MCM9: variants seen among roughly 807,000 people sequenced by gnomAD.
The protein encoded by MCM9 is DNA helicase MCM9.
A neutral mutation model predicts 72.8 loss-of-function variants in MCM9; 55 were observed. The observed-to-expected ratio is 0.76, with a 90% confidence interval of 0.61 to 0.95. The LOEUF (loss-of-function observed/expected upper bound fraction) is 0.95, where lower values mean the gene tolerates loss of function less well. Ranked by LOEUF, MCM9 falls within the 40% of genes least tolerant of loss-of-function variation. MCM9 has a pLI of 0.00. For synonymous variants in MCM9, 480 were observed against 503.4 expected, an observed-to-expected ratio of 0.95 and a Z score of 0.62; for missense variants, 1,279 against 1,377.0, an observed-to-expected ratio of 0.93 and a Z score of 1.13.
At chr6:118,848,216 CTATT>C (rs1776000636) in intron 9 of MCM9, among the ~76,000 whole-genome samples, 1 of 151,698 alleles carries the variant, frequency 6.6e-6, no homozygotes, top group Admixed American at 6.6e-5. Flanking sequence ...AATAATACAA[CTATT>C]TATTTAAGTG....
At chr6:118,891,837 C>A (rs1778965303) in intron 8 of MCM9, among the ~76,000 whole-genome samples, 1 of 152,194 alleles carries the variant, frequency 6.6e-6, no homozygotes, top group Admixed American at 6.5e-5. Flanking sequence ...CTCAGCCATC[C>A]TTCCCCCAAG....
intron 8 of MCM9, among the ~76,000 whole-genome samples, chr6:118,881,433 T>A (rs1778279457): frequency 6.6e-6 from 1 of 152,194 alleles, no homozygotes; most frequent in African/African-American, 2.4e-5. Flanking sequence ...AGTTTGTTTG[T>A]ATCCTATGGT....
At chr6:118,848,630 T>C (rs918713238) in intron 9 of MCM9, among the ~76,000 whole-genome samples, 3 of 150,182 alleles carry the variant, frequency 2.0e-5, no homozygotes, top group Non-Finnish European at 4.4e-5. Context: ...CCCTAACCTA[T>C]AATAAAAATG....
At position 118,826,211 on chromosome 6, in the gene MCM9, C is replaced by A; in HGVS notation, c.1897G>T (p.Glu633Ter). Residue 633 changes from glutamate (E) to a stop codon, truncating the protein, a stop_gained, in exon 13 of 14, where the codon GAA becomes TAA. Transcript: ENST00000619706. LOFTEE classifies it high-confidence loss of function. ...NPGEQYQRQC[E>*]LILEKLELQS... ...AGCTCTAGCTTTTCCAGAATAAGTT[C>A]ACACTGTCTCTGGTACTGCTCTCCA... 1 of 1,550,474 alleles carries A rather than the reference C, an allele frequency of 6.4e-7. No homozygotes were observed. Among genetic ancestry groups the A allele is most frequent in the South Asian group, 1.2e-5 (1 of 84,052 alleles).
intron 8 of MCM9, among the ~76,000 whole-genome samples, chr6:118,872,267 C>T (rs947415646): frequency 5.4e-5 from 8 of 148,770 alleles, no homozygotes; most frequent in Non-Finnish European, 8.9e-5. Flanking sequence ...TGCAGTGAGC[C>T]GAGATTGTGC....
intron 1 of MCM9, among the ~76,000 whole-genome samples, chr6:118,933,226 G>A (rs1024418241): frequency 5.9e-5 from 9 of 152,134 alleles, no homozygotes; most frequent in East Asian, 3.8e-4. Context: ...GGGGCCGGGC[G>A]CAGTGGCTCA....
rs62422261 is a variant in MCM9 at position 118,929,782 on chromosome 6, G to A, written c.304+1638C>T. ...GAGCTTGGGAGTTTAATACCAGCCC[G>A]GGTAACAGAGTGAGACTCCATCTCT... is the stretch of plus-strand genomic sequence containing the variant. On this transcript the variant is annotated intron_variant, in intron 3 of 13. Transcript: ENST00000619706. Among the ~76,000 whole-genome samples the A allele has an allele frequency of 6.0e-3, 920 of 152,166 alleles. 6 individuals are homozygous for A. The highest frequency in any genetic ancestry group is 1.0e-2 in the Non-Finnish European group (678 of 68,014).
intron 9 of MCM9, among the ~76,000 whole-genome samples, chr6:118,829,973 G>C (rs529234253): frequency 6.6e-6 from 1 of 152,304 alleles, no homozygotes; most frequent in South Asian, 2.1e-4. Flanking sequence ...GATGAGGACT[G>C]GGTTGGTGAG....
chr6:118,846,827 CTAA>C (rs911872845), intron 9 of MCM9, among the ~76,000 whole-genome samples: 7 of 151,706 alleles, frequency 4.6e-5, no homozygotes, highest in African/African-American at 1.5e-4. Flanking sequence ...AGAATACCTA[CTAA>C]TAATGATTCA....
intron 5 of MCM9, 82 bp downstream of exon 5, chr6:118,921,923 T>G: frequency 9.7e-7 from 1 of 1,027,120 alleles, no homozygotes; most frequent in East Asian, 2.5e-5. Flanking sequence ...GCCAGTGATC[T>G]TGGGAAAATA....
chr6:118,898,926 T>C (rs78020728), intron 8 of MCM9, among the ~76,000 whole-genome samples: 1,930 of 152,272 alleles, frequency 0.013, 38 homozygotes, highest in African/African-American at 0.044. Flanking sequence ...TTACATATCA[T>C]TGACAGGTTC....
At chr6:118,910,143 T>A (rs1182254600) in intron 8 of MCM9, among the ~76,000 whole-genome samples, 2 of 147,748 alleles carry the variant, frequency 1.4e-5, no homozygotes, top group African/African-American at 4.9e-5. Context: ...AAAGACTCCA[T>A]AACAAGTTTA....
chr6:118,934,449 T>C (rs1782721701), intron 1 of MCM9: 1 of 152,092 alleles, frequency 6.6e-6, no homozygotes, highest in African/African-American at 2.4e-5. Flanking sequence ...CTAACTGCAC[T>C]GGCATCCCCC....
chr6:118,872,758 AGAAG>A lies in MCM9; in HGVS notation c.1151-16217_1151-16214del, dbSNP rs1381211950. Among the ~76,000 whole-genome samples, 3 of 152,308 alleles carry A rather than the reference AGAAG, an allele frequency of 2.0e-5. No individual in the cohort carries two copies. The East Asian group carries it at 5.8e-4, about 29-fold the overall frequency. ...TGCTACTGAATGAATTCACCAGAAA[AGAAG>A]GAAGATACAAAAATCAATAATCTAA... On this transcript the variant is annotated intron_variant, in intron 8 of 13. Transcript: ENST00000619706.
chr6:118,826,194 C>T lies in MCM9; in HGVS notation c.1914G>A (p.Lys638=), dbSNP rs1190872831. ...YQRQCELILE[K]LELQSLLSEE... ...CACTCAAGAGGCTCTGCAGCTCTAG[C>T]TTTTCCAGAATAAGTTCACACTGTC... is the stretch of plus-strand genomic sequence containing the variant. The change falls in exon 13 of 14, where the codon AAG becomes AAA. Residue 638 remains lysine (K), a synonymous_variant. Coordinates refer to ENST00000619706, the MANE Select transcript of MCM9 (RefSeq NM_017696.3). 1.9e-6 allele frequency: 3 copies of T among 1,550,518 alleles called. No individual in the cohort carries two copies. Among genetic ancestry groups the T allele is most frequent in the East Asian group, 2.4e-5 (1 of 40,930 alleles).
At chr6:118,916,873 CT>C (rs1320354621) in intron 6 of MCM9, among the ~76,000 whole-genome samples, 1 of 152,116 alleles carries the variant, frequency 6.6e-6, no homozygotes, top group Non-Finnish European at 1.5e-5. Context: ...ATCAATATCT[CT>C]TAGATTTGAG....
At chr6:118,852,152 C>T (rs1338397280) in intron 9 of MCM9, among the ~76,000 whole-genome samples, 13 of 152,128 alleles carry the variant, frequency 8.5e-5, no homozygotes, top group Admixed American at 3.9e-4. Flanking sequence ...AACACAAAGG[C>T]ATGTATTTGT....
Position 118,880,051 on chromosome 6 carries a change from C to A in MCM9, c.1151-23506G>T, listed in dbSNP as rs552532909. ...CACAAAACAAACAAACAAACAACAACAAAAAAAAAACACCAAAGAAAAGAA... is the reference window on the plus strand; with the variant it reads ...CACAAAACAAACAAACAAACAACAAAAAAAAAAAAACACCAAAGAAAAGAA... On this transcript the variant is annotated intron_variant, in intron 8 of 13. Transcript: ENST00000619706. 3.2e-3 allele frequency among the ~76,000 whole-genome samples: 436 copies of A among 135,036 alleles called. 1 individual carries two copies. The highest frequency in any genetic ancestry group is 9.2e-3 in the East Asian group (43 of 4,690). The allele number at this position is 135,036 out of a possible 152,430, so 88.6% of individuals were successfully genotyped here.
chr6:118,829,989 T>C (rs1774429855), intron 9 of MCM9, among the ~76,000 whole-genome samples: 1 of 152,124 alleles, frequency 6.6e-6, no homozygotes, highest in South Asian at 2.1e-4. Flanking sequence ...GTGAGTGGGT[T>C]GGACAGGAAA....
Sources: gnomAD v4.1 joint callset for allele counts (sites outside exome capture counted in the v4.1 genomes callset) on GRCh38, gnomAD v4.1.1 for gene constraint, MANE v1.5 for transcripts, NCBI Gene and HGNC (gene_info 2026-07-23, HGNC 2026-07-21) for gene names.